Variants in PCF11 observed in about 807,000 individuals in gnomAD.
The protein encoded by PCF11 is PCF11 cleavage and polyadenylation factor subunit.
A neutral mutation model predicts 166.1 loss-of-function variants in PCF11; 19 were observed. The ratio of observed to expected loss-of-function variants is 0.11; its 90% CI spans 0.08 to 0.17. The LOEUF (loss-of-function observed/expected upper bound fraction) is 0.17. Among genes scored for constraint, PCF11 ranks in the 10% least tolerant of loss-of-function variants. The probability of loss-of-function intolerance (pLI) is 1.00; values close to 1 mark genes in which losing one functional copy is unlikely to be tolerated. For missense variants in PCF11, 1,565 were observed against 1,855.5 expected, an observed-to-expected ratio of 0.84 and a Z score of 2.88; for synonymous variants, 663 against 644.1, an observed-to-expected ratio of 1.03 and a Z score of -0.44.
intron 1 of PCF11, among the ~76,000 whole-genome samples, chr11:83,161,122 C>T (rs1350344577): frequency 1.3e-5 from 2 of 152,114 alleles, no homozygotes; most frequent in African/African-American, 4.8e-5. Context: ...GTTGTTCATC[C>T]TGGTAATTCT....
intron 9 of PCF11, among the ~76,000 whole-genome samples, chr11:83,172,701 C>T (rs1860729875): frequency 6.6e-6 from 1 of 152,162 alleles, no homozygotes; most frequent in Non-Finnish European, 1.5e-5. Flanking sequence ...CAGGTGTGAG[C>T]CACCATGCCC....
chr11:83,160,321 G>GTTTTTTTTTTTTTTTTTTTTTTT (rs35201107), intron 1 of PCF11, among the ~76,000 whole-genome samples: 43 of 91,288 alleles, frequency 4.7e-4, no homozygotes, highest in Non-Finnish European at 7.4e-4. Flanking sequence ...GATAACCTAA[G>GTTTTTTTTTTTTTTTTTTTTTTT]TTTTTTTTTT....
At chr11:83,166,363 C>T (rs1174604703) in exon 5 of PCF11, 1 of 1,613,936 alleles carries the variant, frequency 6.2e-7, no homozygotes. Flanking sequence ...AAGTCTAGGT[C>T]ACCAATTATA....
At chr11:83,160,820 C>G (rs1167513940) in intron 1 of PCF11, among the ~76,000 whole-genome samples, 1 of 152,074 alleles carries the variant, frequency 6.6e-6, no homozygotes, top group African/African-American at 2.4e-5. Context: ...AATTTTTGTT[C>G]ATTTGGATTA....
chr11:83,161,538 T>C, intron 2 of PCF11, 86 bp downstream of exon 2: 3 of 1,035,746 alleles, frequency 2.9e-6, no homozygotes, highest in South Asian at 1.8e-5. Flanking sequence ...TTGGGTTTTC[T>C]TGGGTGGTGA....
intron 2 of PCF11, among the ~76,000 whole-genome samples, chr11:83,163,430 G>T (rs186460837): frequency 6.6e-6 from 1 of 152,066 alleles, no homozygotes; most frequent in East Asian, 1.9e-4. Context: ...GCTCTAAGAT[G>T]TGGAAACGTT....
Position 83,167,976 on chromosome 11 carries a change from G to A in PCF11, c.2093-452G>A. ...AAAATGAACAAGCTAAGTGGGGATG[G>A]ATTTTTGTGACTGTTCAGATTACCA... On this transcript the variant is annotated intron_variant, in intron 7 of 15. Coordinates refer to ENST00000298281, the Ensembl canonical transcript of PCF11. This position sits in a 1 kb window ranked among gnomAD's most constrained non-coding sequence, Gnocchi z 4.2. The A allele has an allele frequency of 9.1e-7, 1 of 1,094,376 alleles. No individual in the cohort carries two copies. The highest frequency in any genetic ancestry group is 1.2e-6 in the Non-Finnish European group (1 of 849,624). 67.8% of individuals were successfully genotyped at this position (1,094,376 alleles called of 1,614,324 possible).
chr11:83,174,551 ATT>A (rs570113907), intron 9 of PCF11, among the ~76,000 whole-genome samples: 1 of 146,606 alleles, frequency 6.8e-6, no homozygotes, highest in Admixed American at 6.9e-5. Flanking sequence ...AAGGCTATTG[ATT>A]TTTTTTTTTT....
At chr11:83,181,154 G>A (rs376433696) in exon 12 of PCF11, 6 of 1,611,004 alleles carry the variant, frequency 3.7e-6, no homozygotes, top group South Asian at 1.1e-5. Context: ...GATGTTAGCC[G>A]AAAAGTCACT....
intron 1 of PCF11, 49 bp from the exon 2 acceptor site, chr11:83,161,278 A>T: frequency 6.8e-7 from 1 of 1,469,132 alleles, no homozygotes; most frequent in South Asian, 1.3e-5. Context: ...TTAAATAATT[A>T]TTTGGTGGTA....
chr11:83,163,985 TG>T, intron 3 of PCF11, 118 bp downstream of exon 3: 2 of 583,128 alleles, frequency 3.4e-6, no homozygotes, highest in South Asian at 3.1e-5. Context: ...TGGTTCAATT[TG>T]AAAAAAAAAA....
Position 83,167,153 on chromosome 11 carries a change from C to G in PCF11, c.1846C>G (p.Pro616Ala). 6.2e-7 allele frequency: 1 copy of G among 1,613,130 alleles called. No individual in the cohort carries two copies. The highest frequency in any genetic ancestry group is 8.5e-7 in the Non-Finnish European group (1 of 1,179,364). ...ACAACAGGTTGATGAACATAGTAAA[C>G]CTCCTCATCTGAGGCATAGGGAGAG... is the stretch of plus-strand genomic sequence containing the variant. Residue 616 changes from proline to alanine, a missense_variant, in exon 6 of 16, where the codon CCT becomes GCT. By Grantham distance (27) the Pro-to-Ala change is conservative. This residue lies in a region of PCF11 where 468 missense variants were observed against 483.4 expected (regional missense o/e 0.97). Transcript: ENST00000298281. This position sits in a 1 kb window ranked among gnomAD's most constrained non-coding sequence, Gnocchi z 4.2.
intron 14 of PCF11, among the ~76,000 whole-genome samples, 186 bp from the exon 15 acceptor site, chr11:83,182,852 C>T (rs982003545): frequency 6.6e-6 from 1 of 152,108 alleles, no homozygotes; most frequent in Non-Finnish European, 1.5e-5. Context: ...TTAAATGGGC[C>T]AAGAGAAGTC....
rs767268650 is a variant in PCF11, at chr11:83,184,778, T to C, written c.4552T>C (p.Cys1518Arg). 3.5e-5 allele frequency: 57 copies of C among 1,611,796 alleles called. No homozygotes were observed. In the East Asian group the frequency reaches 1.2e-3, roughly 35 times the overall value. Residue 1518 changes from cysteine to arginine, a missense_variant, in exon 16 of 16, where the codon TGT becomes CGT. This residue lies in a region of PCF11 where 99 missense variants were observed against 89.1 expected (regional missense o/e 1.11). Coordinates refer to ENST00000298281, the Ensembl canonical transcript of PCF11. The stretch of plus-strand genomic sequence containing the variant: ...TGTCAAAAACGAATTGCAGGAACCC[T>C]GTGACAGTCCCAAAGTTAAGGAAGA...
chr11:83,167,699 T>C lies in PCF11; in HGVS notation c.2092+194T>C, dbSNP rs1202256816. On this transcript the variant is annotated intron_variant, in intron 7 of 15. Transcript: ENST00000298281. The surrounding 1 kb of genome is among the most constrained non-coding windows in gnomAD (Gnocchi z 4.2). ...ATATTTTTGACTACCCTTTGACTGATGCCTTGTTGTCTGGAATAGAATGTG... is the reference window on the plus strand; with the variant it reads ...ATATTTTTGACTACCCTTTGACTGACGCCTTGTTGTCTGGAATAGAATGTG... 1 of 1,506,872 alleles carries C rather than the reference T, an allele frequency of 6.6e-7. No individual in the cohort carries two copies. The highest frequency in any genetic ancestry group is 2.6e-5 in the East Asian group (1 of 38,540). 93.3% of individuals were successfully genotyped at this position (1,506,872 alleles called of 1,614,324 possible).
chr11:83,159,923 TAA>T (rs1337278106), intron 1 of PCF11, among the ~76,000 whole-genome samples: 2 of 152,206 alleles, frequency 1.3e-5, no homozygotes, highest in Non-Finnish European at 2.9e-5. Context: ...CTTTGGTGTT[TAA>T]GAGAGCCTGT....
At chr11:83,163,923 C>T in intron 3 of PCF11, 56 bp downstream of exon 3, 1 of 809,034 alleles carries the variant, frequency 1.2e-6, no homozygotes, top group Non-Finnish European at 1.8e-6. Flanking sequence ...ATTTTGAATT[C>T]TTCTGCAGAA....
exon 5 of PCF11, chr11:83,166,186 A>T (rs1335406615): frequency 5.6e-6 from 9 of 1,609,568 alleles, no homozygotes; most frequent in Non-Finnish European, 6.8e-6. Flanking sequence ...GAAAAAAAGG[A>T]TAAAGATGAG....
chr11:83,165,694 T>A (rs77364226), exon 5 of PCF11: 1 of 1,613,654 alleles, frequency 6.2e-7, no homozygotes, highest in Admixed American at 1.7e-5. Flanking sequence ...CCTATGGCAG[T>A]TAAAGCTCCT....
Sources: gnomAD v4.1 joint callset for allele counts (sites outside exome capture counted in the v4.1 genomes callset) on GRCh38, gnomAD v4.1.1 for gene constraint, gnomAD v4.1.1 regional missense constraint, Gnocchi (gnomAD v3.1) non-coding constraint, MANE v1.5 for transcripts, NCBI Gene and HGNC (gene_info 2026-07-23, HGNC 2026-07-21) for gene names.